Variants in ZFHX3 observed in about 807,000 individuals in gnomAD.
The protein encoded by ZFHX3 is zinc finger homeobox 3.
A neutral mutation model predicts 279.1 loss-of-function variants in ZFHX3; 42 were observed. That is an observed-to-expected ratio of 0.15 (90% CI 0.12 to 0.19). ZFHX3 has a LOEUF of 0.19. Among genes scored for constraint, ZFHX3 ranks in the 10% least tolerant of loss-of-function variants. ZFHX3 has a pLI of 1.00. For synonymous variants in ZFHX3, 2,293 were observed against 1,957.8 expected (o/e 1.17, Z -4.52); for missense variants, 4,981 against 4,754.0 (o/e 1.05, Z -1.40).
chr16:72,825,749 C>T (rs1597281274), intron 5 of ZFHX3, among the ~76,000 whole-genome samples: 1 of 152,252 alleles, frequency 6.6e-6, no homozygotes, highest in East Asian at 1.9e-4. Flanking sequence ...AGTTTTGTTC[C>T]TTTGGGGTAT....
intron 5 of ZFHX3, among the ~76,000 whole-genome samples, chr16:73,169,981 C>G (rs1055604511): frequency 2.6e-5 from 4 of 152,036 alleles, no homozygotes; most frequent in African/African-American, 4.8e-5. Context: ...TGTGATTATC[C>G]ATTGAATGTC....
intron 2 of ZFHX3, among the ~76,000 whole-genome samples, chr16:73,458,577 C>G (rs894850448): frequency 6.6e-6 from 1 of 152,044 alleles, no homozygotes; most frequent in African/African-American, 2.4e-5. Flanking sequence ...AGGCTGGTCT[C>G]GAACTCCTGA....
intron 2 of ZFHX3, among the ~76,000 whole-genome samples, chr16:73,521,651 G>GA (rs2019610498): frequency 6.6e-6 from 1 of 151,770 alleles, no homozygotes; most frequent in African/African-American, 2.4e-5. Flanking sequence ...GGAAATCTGG[G>GA]AAAACTCCAG....
intron 3 of ZFHX3, among the ~76,000 whole-genome samples, chr16:73,404,257 C>A (rs1009386673): frequency 6.6e-6 from 1 of 152,080 alleles, no homozygotes; most frequent in Non-Finnish European, 1.5e-5. Flanking sequence ...ACAGAGGATC[C>A]CCTTAAGGCA....
intron 2 of ZFHX3, among the ~76,000 whole-genome samples, chr16:73,494,001 C>T (rs1460893484): frequency 1.3e-5 from 2 of 152,020 alleles, no homozygotes; most frequent in Non-Finnish European, 1.5e-5. Flanking sequence ...TTCTTTCTAC[C>T]TTCTCCTTGA....
intron 1 of ZFHX3, among the ~76,000 whole-genome samples, chr16:73,719,429 G>T (rs1364874995): frequency 1.3e-5 from 2 of 152,008 alleles, no homozygotes; most frequent in Admixed American, 1.3e-4. Flanking sequence ...TTTATATGAG[G>T]TTCACACACA....
intron 2 of ZFHX3, among the ~76,000 whole-genome samples, chr16:73,462,182 T>A (rs2018483444): frequency 6.6e-6 from 1 of 152,218 alleles, no homozygotes; most frequent in Non-Finnish European, 1.5e-5. Flanking sequence ...AGAAGTGCAA[T>A]TGCTTTTGTG....
chr16:73,430,818 G>A (rs561276230), intron 3 of ZFHX3, among the ~76,000 whole-genome samples: 1 of 152,298 alleles, frequency 6.6e-6, no homozygotes, highest in South Asian at 2.1e-4. Context: ...TTTCTTAATC[G>A]TTTCCATTTC....
At chr16:73,739,608 A>G (rs1463650563) in intron 1 of ZFHX3, among the ~76,000 whole-genome samples, 3 of 152,140 alleles carry the variant, frequency 2.0e-5, no homozygotes, top group Non-Finnish European at 4.4e-5. Flanking sequence ...GTGCCAGGGA[A>G]TGAAGGGACT....
intron 1 of ZFHX3, among the ~76,000 whole-genome samples, chr16:73,859,757 C>T (rs1245747302): frequency 1.3e-5 from 2 of 152,206 alleles, no homozygotes; most frequent in African/African-American, 4.8e-5. Context: ...AAATCAAAGA[C>T]AAGACTGCTT....
chr16:73,620,136 C>T (rs1307755785), intron 2 of ZFHX3, among the ~76,000 whole-genome samples: 2 of 152,290 alleles, frequency 1.3e-5, no homozygotes, highest in South Asian at 2.1e-4. Flanking sequence ...TTTATCCACA[C>T]AAGCTACCTT....
intron 3 of ZFHX3, among the ~76,000 whole-genome samples, chr16:73,418,692 T>C (rs1211552453): frequency 6.6e-6 from 1 of 152,216 alleles, no homozygotes. Flanking sequence ...TGTCCGTATT[T>C]CCAAATGTAA....
chr16:73,714,668 G>C (rs1377582924), intron 1 of ZFHX3, among the ~76,000 whole-genome samples: 1 of 152,174 alleles, frequency 6.6e-6, no homozygotes, highest in Non-Finnish European at 1.5e-5. Flanking sequence ...TGATCAGCTA[G>C]AACATGCTTT....
At chr16:73,738,041 C>G (rs1373308840) in intron 1 of ZFHX3, among the ~76,000 whole-genome samples, 1 of 151,998 alleles carries the variant, frequency 6.6e-6, no homozygotes, top group East Asian at 1.9e-4. Flanking sequence ...TTGATTTATG[C>G]CCTCCACATC....
intron 2 of ZFHX3, among the ~76,000 whole-genome samples, chr16:73,517,004 C>A (rs1476645785): frequency 6.6e-6 from 1 of 152,210 alleles, no homozygotes; most frequent in East Asian, 1.9e-4. Flanking sequence ...ACACCGTGCA[C>A]ATTTAGGGTA....
chr16:73,096,071 C>T (rs903594439), intron 7 of ZFHX3, among the ~76,000 whole-genome samples: 3 of 152,238 alleles, frequency 2.0e-5, no homozygotes, highest in South Asian at 2.1e-4. Flanking sequence ...ATGCTGGCCC[C>T]GGGCCAAGAA....
chr16:73,404,577 G>T (rs1158815453), intron 3 of ZFHX3, among the ~76,000 whole-genome samples: 1 of 152,180 alleles, frequency 6.6e-6, no homozygotes, highest in Non-Finnish European at 1.5e-5. Context: ...TGCCATTATT[G>T]TTGTTGGTAT....
intron 1 of ZFHX3, among the ~76,000 whole-genome samples, chr16:73,743,503 T>A (rs1216630714): frequency 6.6e-6 from 1 of 152,212 alleles, no homozygotes; most frequent in Non-Finnish European, 1.5e-5. Context: ...TCTAACAATA[T>A]ATGCTACCAG....
chr16:72,801,255 C>G (rs2036091109), intron 7 of ZFHX3, among the ~76,000 whole-genome samples: 2 of 152,306 alleles, frequency 1.3e-5, no homozygotes, highest in South Asian at 2.1e-4. Flanking sequence ...TGGCACCCAG[C>G]CCCACTTGGA....
Sources: allele counts gnomAD v4.1 joint callset (sites outside exome capture counted in the v4.1 genomes callset), GRCh38; gene constraint gnomAD v4.1.1; transcripts MANE v1.5; gene names NCBI Gene and HGNC (gene_info 2026-07-23, HGNC 2026-07-21).